The following USP12 variants were observed in gnomAD, a reference collection of about 807,000 sequenced individuals.
USP12 encodes the protein ubiquitin specific peptidase 12, also known as ubiquitin carboxyl-terminal hydrolase 12.
USP12 carries 19 observed loss-of-function variants against 45.5 expected under a neutral mutation model. The observed-to-expected ratio is 0.42, with a 90% CI of 0.29 to 0.61. USP12 has a LOEUF of 0.61. USP12 is among the 20% of genes least tolerant of loss of function. USP12 has a pLI of 0.22. For missense variants in USP12, 242 were observed against 447.7 expected (o/e 0.54, Z 4.15); for synonymous variants, 149 against 148.8 (o/e 1.00, Z -0.01).
chr13:27,070,301 G>A (rs893049596), intron 8 of USP12, among the ~76,000 whole-genome samples: 4 of 152,170 alleles, frequency 2.6e-5, no homozygotes, highest in African/African-American at 9.7e-5. Flanking sequence ...GGGTAGAGGT[G>A]AGGAAAGCTG....
chr13:27,138,127 T>C (rs935772658), intron 1 of USP12, among the ~76,000 whole-genome samples: 6 of 152,262 alleles, frequency 3.9e-5, no homozygotes, highest in African/African-American at 1.4e-4. Context: ...ACGGCTTACC[T>C]ACAACAGAAA....
At chr13:27,083,396 A>C (rs747389878) in intron 6 of USP12, among the ~76,000 whole-genome samples, 4 of 152,102 alleles carry the variant, frequency 2.6e-5, no homozygotes, top group Non-Finnish European at 4.4e-5. Flanking sequence ...GGTGCTGTGA[A>C]GTGAAATGCA....
chr13:27,164,481 A>G (rs578157379), intron 1 of USP12, among the ~76,000 whole-genome samples: 5 of 152,366 alleles, frequency 3.3e-5, no homozygotes, highest in Admixed American at 6.5e-5. Context: ...CAAGGAACAG[A>G]GAGGGCTATA....
chr13:27,082,682 C>A (rs1321535029), intron 6 of USP12, among the ~76,000 whole-genome samples: 1 of 152,158 alleles, frequency 6.6e-6, no homozygotes, highest in Non-Finnish European at 1.5e-5. Context: ...GTAAATATTT[C>A]TTTTCACTTG....
intron 2 of USP12, among the ~76,000 whole-genome samples, chr13:27,109,957 A>T (rs1413833489): frequency 6.6e-6 from 1 of 150,912 alleles, no homozygotes; most frequent in African/African-American, 2.4e-5. Context: ...AGATACTTGA[A>T]TCAATCCAAT....
At chr13:27,160,738 C>A (rs1320648239) in intron 1 of USP12, among the ~76,000 whole-genome samples, 1 of 151,906 alleles carries the variant, frequency 6.6e-6, no homozygotes. Context: ...CCACTTGATT[C>A]CTATTCCTCA....
rs2137811024 is a variant in USP12, at chr13:27,131,310, T to C, written c.49-14714A>G. ...CTCCACCACCACTTCTCAAACCACGTGACTCTGGGTGAGTCACTTTCTCAG... is the reference window on the plus strand; with the variant it reads ...CTCCACCACCACTTCTCAAACCACGCGACTCTGGGTGAGTCACTTTCTCAG... On this transcript the variant is annotated intron_variant, in intron 1 of 8. Coordinates refer to ENST00000282344, the MANE Select transcript of USP12 (RefSeq NM_182488.4). Among the ~76,000 whole-genome samples the C allele has an allele frequency of 1.3e-5, 2 of 152,318 alleles. 1 individual carries two copies. The highest frequency in any genetic ancestry group is 4.1e-4 in the South Asian group (2 of 4,828).
At chr13:27,134,390 G>A (rs1313662568) in intron 1 of USP12, among the ~76,000 whole-genome samples, 1 of 152,108 alleles carries the variant, frequency 6.6e-6, no homozygotes, top group Non-Finnish European at 1.5e-5. Context: ...AAAAAAAGAG[G>A]AGAATAAGTC....
rs894944290 is a variant in USP12, at chr13:27,066,888, A to C, written c.*2395T>G. ...TTACTATACCTGTATTTTTCCCCCA[A>C]CCCTGACCCTATACGTTTTAAAAGT... On this transcript the variant is annotated 3_prime_UTR_variant, in exon 9 of 9. Coordinates refer to ENST00000282344, the MANE Select transcript of USP12 (RefSeq NM_182488.4). 6.6e-6 allele frequency: 1 copy of C among 152,028 alleles called. No individual in the cohort carries two copies. Among genetic ancestry groups the C allele is most frequent in the African/African-American group, 2.4e-5 (1 of 41,392 alleles). 9.4% of individuals were successfully genotyped at this position (152,028 alleles called of 1,614,324 possible). A position where few individuals can be genotyped will look rare whatever the true frequency, so the allele number is the denominator to read the frequency against.
chr13:27,146,053 A>G (rs1262552152), intron 1 of USP12, among the ~76,000 whole-genome samples: 1 of 152,212 alleles, frequency 6.6e-6, no homozygotes, highest in Non-Finnish European at 1.5e-5. Flanking sequence ...TTTACACATC[A>G]CATTACACAC....
At chr13:27,123,144 T>A (rs1300233238) in intron 1 of USP12, among the ~76,000 whole-genome samples, 1 of 152,122 alleles carries the variant, frequency 6.6e-6, no homozygotes, top group African/African-American at 2.4e-5. Flanking sequence ...AATGGATTCA[T>A]TACAGAACTG....
chr13:27,168,166 C>T (rs1238617205), intron 1 of USP12, among the ~76,000 whole-genome samples: 1 of 152,166 alleles, frequency 6.6e-6, no homozygotes, highest in Non-Finnish European at 1.5e-5. Context: ...TCTAATGGAT[C>T]TAATCTCATG....
At chr13:27,098,267 G>A (rs17519942) in intron 3 of USP12, among the ~76,000 whole-genome samples, 6,983 of 151,948 alleles carry the variant, frequency 0.046, 190 homozygotes, top group Middle Eastern at 0.055. Context: ...ATGAACTTCT[G>A]TATGGCAAAG....
chr13:27,118,110 T>TG (rs1233824483), intron 1 of USP12, among the ~76,000 whole-genome samples: 1 of 151,192 alleles, frequency 6.6e-6, no homozygotes, highest in Non-Finnish European at 1.5e-5. Flanking sequence ...ACTGGGCATA[T>TG]GGTCAACAAC....
intron 2 of USP12, among the ~76,000 whole-genome samples, chr13:27,108,953 CAT>C (rs1466911645): frequency 2.0e-5 from 3 of 152,248 alleles, no homozygotes; most frequent in South Asian, 2.1e-4. Flanking sequence ...AAAAAAGATA[CAT>C]ATGTGTGTGT....
chr13:27,102,452 C>T (rs560652557), intron 3 of USP12, among the ~76,000 whole-genome samples: 6 of 152,198 alleles, frequency 3.9e-5, no homozygotes, highest in African/African-American at 1.4e-4. Flanking sequence ...AGAACCCTCT[C>T]GTGGTTTCCC....
At chr13:27,079,341 T>G (rs949606636) in intron 6 of USP12, among the ~76,000 whole-genome samples, 7 of 152,076 alleles carry the variant, frequency 4.6e-5, no homozygotes, top group African/African-American at 1.7e-4. Flanking sequence ...ACCTCAGATT[T>G]CTCTTGACCA....
At chr13:27,126,004 A>C (rs1876218244) in intron 1 of USP12, among the ~76,000 whole-genome samples, 1 of 152,270 alleles carries the variant, frequency 6.6e-6, no homozygotes. Context: ...CAGCTCAGCA[A>C]GGCCTACTGC....
intron 1 of USP12, among the ~76,000 whole-genome samples, chr13:27,125,679 G>A (rs1402943943): frequency 1.3e-5 from 2 of 152,256 alleles, no homozygotes; most frequent in African/African-American, 4.8e-5. Context: ...AGCGCAAGGG[G>A]TCAAGGGATT....
Sources: allele counts gnomAD v4.1 joint callset (sites outside exome capture counted in the v4.1 genomes callset), GRCh38; gene constraint gnomAD v4.1.1; transcripts MANE v1.5; gene names NCBI Gene and HGNC (gene_info 2026-07-23, HGNC 2026-07-21).